The following CDC42SE2 variants were observed in gnomAD, a reference collection of about 807,000 sequenced individuals.
CDC42SE2 encodes CDC42 small effector protein 2.
CDC42SE2 carries 3 observed loss-of-function variants against 11.5 expected under a neutral mutation model. The observed-to-expected ratio is 0.26, with a 90% CI of 0.12 to 0.67. CDC42SE2 has a LOEUF of 0.67. CDC42SE2 is among the 30% of genes least tolerant of loss of function. CDC42SE2 has a pLI of 0.80. For missense variants in CDC42SE2, 82 were observed against 106.8 expected (o/e 0.77, Z 1.02); for synonymous variants, 33 against 34.8 (o/e 0.95, Z 0.18).
intron 1 of CDC42SE2, among the ~76,000 whole-genome samples, chr5:131,266,878 A>G (rs905390782): frequency 6.6e-6 from 1 of 151,896 alleles, no homozygotes; most frequent in Non-Finnish European, 1.5e-5. Flanking sequence ...GTTGATGACA[A>G]ACCTACTTGT....
chr5:131,372,263 C>T (rs1750031661), intron 3 of CDC42SE2, among the ~76,000 whole-genome samples: 1 of 152,100 alleles, frequency 6.6e-6, no homozygotes, highest in Non-Finnish European at 1.5e-5. Context: ...TTTTGGCCTA[C>T]CTTATGACAG....
At chr5:131,301,646 TA>T (rs1440009503) in intron 1 of CDC42SE2, among the ~76,000 whole-genome samples, 2 of 151,438 alleles carry the variant, frequency 1.3e-5, no homozygotes, top group Non-Finnish European at 2.9e-5. Context: ...TAATTCCAGC[TA>T]CTCGGGAGGC....
At chr5:131,293,572 CAAAAA>C (rs57767937) in intron 1 of CDC42SE2, among the ~76,000 whole-genome samples, 3 of 101,234 alleles carry the variant, frequency 3.0e-5, no homozygotes, top group Non-Finnish European at 1.9e-5. Flanking sequence ...AACTCCGTCT[CAAAAA>C]AAAAAAAAAA....
chr5:131,348,851 C>G lies in CDC42SE2; in HGVS notation c.-285-10358C>G, dbSNP rs955420158. Among the ~76,000 whole-genome samples, 7 of 152,310 alleles carry G rather than the reference C, an allele frequency of 4.6e-5. No individual in the cohort carries two copies. In the South Asian group the frequency reaches 1.5e-3, roughly 32 times the overall value. On this transcript the variant is annotated intron_variant, in intron 2 of 4. Transcript: ENST00000505065. ...AATAATACCACACATCTACACCCATCTGATCTTTGAGAAACCTGACAAAAA... is the reference window on the plus strand; with the variant it reads ...AATAATACCACACATCTACACCCATGTGATCTTTGAGAAACCTGACAAAAA...
the CDC42SE2 span, among the ~76,000 whole-genome samples, chr5:131,211,191 T>G: frequency 1.3e-5 from 2 of 152,242 alleles, no homozygotes; most frequent in Non-Finnish European, 2.9e-5. Context: ...TGTGCTTCAT[T>G]CTGGTTAATT....
intron 3 of CDC42SE2, among the ~76,000 whole-genome samples, chr5:131,360,339 C>T (rs955663201): frequency 6.6e-6 from 1 of 152,148 alleles, no homozygotes; most frequent in African/African-American, 2.4e-5. Flanking sequence ...AGGCTGGTCT[C>T]GAACTCCTGA....
At chr5:131,299,311 G>C (rs1256305675) in intron 1 of CDC42SE2, among the ~76,000 whole-genome samples, 1 of 152,166 alleles carries the variant, frequency 6.6e-6, no homozygotes, top group African/African-American at 2.4e-5. Context: ...GTGGTTACCA[G>C]GGGTCAGTTA....
chr5:131,346,660 AC>A (rs1297476051), intron 2 of CDC42SE2, among the ~76,000 whole-genome samples: 1 of 152,240 alleles, frequency 6.6e-6, no homozygotes, highest in East Asian at 1.9e-4. Flanking sequence ...AACCTAATAG[AC>A]ATCTACAGAA....
At chr5:131,341,655 A>G (rs1472432646) in intron 2 of CDC42SE2, among the ~76,000 whole-genome samples, 2 of 152,196 alleles carry the variant, frequency 1.3e-5, no homozygotes, top group African/African-American at 4.8e-5. Context: ...GAATCAGTAC[A>G]TCTATTAATA....
At chr5:131,372,778 G>C (rs978372720) in intron 3 of CDC42SE2, among the ~76,000 whole-genome samples, 4 of 151,944 alleles carry the variant, frequency 2.6e-5, no homozygotes, top group African/African-American at 4.8e-5. Flanking sequence ...TTTATTTACT[G>C]TTTGACCTTG....
At chr5:131,353,932 T>G (rs1422905487) in intron 2 of CDC42SE2, among the ~76,000 whole-genome samples, 2 of 151,128 alleles carry the variant, frequency 1.3e-5, no homozygotes, top group East Asian at 3.9e-4. Context: ...AAATTATCGT[T>G]TAAAAATACA....
intron 1 of CDC42SE2, among the ~76,000 whole-genome samples, chr5:131,276,638 A>G (rs1387451385): frequency 1.3e-5 from 2 of 152,126 alleles, no homozygotes; most frequent in Non-Finnish European, 2.9e-5. Flanking sequence ...TCATATCGCC[A>G]CAATGTGTGT....
the CDC42SE2 span, among the ~76,000 whole-genome samples, chr5:131,216,263 G>C: frequency 1.3e-5 from 2 of 152,130 alleles, no homozygotes; most frequent in Non-Finnish European, 2.9e-5. Flanking sequence ...TTGGGAGGCA[G>C]AGGTGAGTGG....
Position 131,381,247 on chromosome 5 carries a change from A to G in CDC42SE2, c.55-4296A>G, listed in dbSNP as rs561134989. ...TTGCACACTCTCTGCTGAAATCTGA[A>G]GTCTGTGCATATTTCTTAACTCCTC... On this transcript the variant is annotated intron_variant, in intron 3 of 4. Coordinates refer to ENST00000505065, the MANE Select transcript of CDC42SE2 (RefSeq NM_001375635.1). 2.0e-4 allele frequency among the ~76,000 whole-genome samples: 31 copies of G among 152,050 alleles called. No homozygotes were observed. In the South Asian group the frequency reaches 6.4e-3, roughly 32 times the overall value.
chr5:131,302,814 CTCA>C (rs1190496704), intron 1 of CDC42SE2, among the ~76,000 whole-genome samples: 3 of 150,574 alleles, frequency 2.0e-5, no homozygotes, highest in Non-Finnish European at 4.4e-5. Flanking sequence ...TTTTTGTTGC[CTCA>C]TGACTCTTTT....
At chr5:131,312,283 A>G (rs990509508) in intron 1 of CDC42SE2, among the ~76,000 whole-genome samples, 1 of 151,746 alleles carries the variant, frequency 6.6e-6, no homozygotes, top group Non-Finnish European at 1.5e-5. Flanking sequence ...GACCCACTTG[A>G]GGAGGCAGTC....
At chr5:131,317,246 C>T (rs565170466) in intron 2 of CDC42SE2, among the ~76,000 whole-genome samples, 3 of 151,984 alleles carry the variant, frequency 2.0e-5, no homozygotes, top group Admixed American at 6.6e-5. Flanking sequence ...GACAATGTTG[C>T]CTTTTGTTTT....
In CDC42SE2 at chr5:131,368,240, G is replaced by A. The variant is rs1300560023; in HGVS notation, c.54+8693G>A. ...TGCACTCCAGCCTGGGCAATAGAGTGAGACTCCATCTCAAAAAAAAAAAAA... is the reference window on the plus strand; with the variant it reads ...TGCACTCCAGCCTGGGCAATAGAGTAAGACTCCATCTCAAAAAAAAAAAAA... On this transcript the variant is annotated intron_variant, in intron 3 of 4. Transcript: ENST00000505065. Among the ~76,000 whole-genome samples, 175 of 114,620 alleles carry A rather than the reference G, an allele frequency of 1.5e-3. 1 individual carries two copies. The highest frequency in any genetic ancestry group is 5.9e-3 in the African/African-American group (168 of 28,684). The allele number at this position is 114,620 out of a possible 152,430, so 75.2% of individuals were successfully genotyped here. A position where few individuals can be genotyped will look rare whatever the true frequency, so the allele number is the denominator to read the frequency against.
In CDC42SE2 at chr5:131,272,213, C is replaced by T. The variant is rs192737521; in HGVS notation, c.-455+8047C>T. On this transcript the variant is annotated intron_variant, in intron 1 of 4. Coordinates refer to ENST00000505065, the MANE Select transcript of CDC42SE2 (RefSeq NM_001375635.1). The stretch of plus-strand genomic sequence containing the variant: ...TTTTTTTAATAGAGACAGGGTTTCA[C>T]CACGTTGGACAGGCTGGTCTCGAAC... Among the ~76,000 whole-genome samples the T allele has an allele frequency of 1.6e-3, 246 of 152,010 alleles. 3 individuals carry two copies. Among genetic ancestry groups the T allele is most frequent in the Non-Finnish European group, 2.5e-4 (17 of 67,984 alleles).
Sources: allele counts gnomAD v4.1 joint callset (sites outside exome capture counted in the v4.1 genomes callset), GRCh38; gene constraint gnomAD v4.1.1; transcripts MANE v1.5; gene names NCBI Gene and HGNC (gene_info 2026-07-23, HGNC 2026-07-21).